The following JMY variants were observed in gnomAD, a reference collection of about 807,000 sequenced individuals.
JMY encodes junction mediating and regulatory protein, p53 cofactor.
JMY carries 46 observed loss-of-function variants against 103.3 expected under a neutral mutation model. That is an observed-to-expected ratio of 0.45 (90% CI 0.35 to 0.57). JMY has a LOEUF of 0.57. Among genes scored for constraint, JMY ranks in the 20% least tolerant of loss-of-function variants. JMY has a pLI of 0.00. For missense variants in JMY, 1,238 were observed against 1,255.2 expected, an observed-to-expected ratio of 0.99 and a Z score of 0.21; for synonymous variants, 526 against 489.3, an observed-to-expected ratio of 1.07 and a Z score of -0.99.
intron 2 of JMY, among the ~76,000 whole-genome samples, chr5:79,287,259 A>G (rs866367805): frequency 3.3e-5 from 5 of 152,238 alleles, no homozygotes; most frequent in African/African-American, 7.2e-5. Context: ...AGATAGAAGC[A>G]TATCTCCTCC....
At chr5:79,243,538 G>T (rs1744801531) in intron 1 of JMY, among the ~76,000 whole-genome samples, 1 of 152,204 alleles carries the variant, frequency 6.6e-6, no homozygotes. Context: ...GATATTACAT[G>T]TTGAGGACAT....
At position 79,236,621 on chromosome 5, in the gene JMY, C is replaced by A. The variant is rs1225298610; in HGVS notation, c.-30C>A. On this transcript the variant is annotated 5_prime_UTR_variant, in exon 1 of 11. Coordinates refer to ENST00000396137, the MANE Select transcript of JMY (RefSeq NM_152405.5). ...TCCTCGGGCGGGCCGGGCCGGCGGC[C>A]CTTCCCCGCGGCGAGAAGCCGGAGC... 1.5e-6 allele frequency: 2 copies of A among 1,360,416 alleles called. No homozygotes were observed. Among genetic ancestry groups the A allele is most frequent in the South Asian group, 1.9e-5 (1 of 51,852 alleles). 84.3% of individuals were successfully genotyped at this position (1,360,416 alleles called of 1,614,324 possible).
chr5:79,321,339 C>CAAAT lies in JMY; in HGVS notation c.*4-265_*4-262dup, dbSNP rs570944713. Among the ~76,000 whole-genome samples the CAAAT allele has an allele frequency of 4.6e-3, 700 of 152,138 alleles. 6 individuals are homozygous for CAAAT. The highest frequency in any genetic ancestry group is 0.016 in the African/African-American group (674 of 41,514). On this transcript the variant is annotated intron_variant, in intron 10 of 10. Coordinates refer to ENST00000396137, the MANE Select transcript of JMY (RefSeq NM_152405.5). ...CTTACTCTAGTAGCAGTTTATGGGGCAAATAGTTTAGACTGAATTTACCTT... is the reference window on the plus strand; with the variant it reads ...CTTACTCTAGTAGCAGTTTATGGGGCAAATAAATAGTTTAGACTGAATTTACCTT...
chr5:79,279,833 G>C (rs1192110934), intron 2 of JMY, among the ~76,000 whole-genome samples: 1 of 151,934 alleles, frequency 6.6e-6, no homozygotes, highest in Non-Finnish European at 1.5e-5. Flanking sequence ...GGAAATTCCT[G>C]GTTTTTTTTG....
intron 7 of JMY, among the ~76,000 whole-genome samples, chr5:79,310,280 C>T (rs1017985210): frequency 6.6e-6 from 1 of 151,898 alleles, no homozygotes; most frequent in African/African-American, 2.4e-5. Context: ...AGGGTGGTCT[C>T]AAACTGCTGC....
intron 1 of JMY, 112 bp from the exon 2 acceptor site, chr5:79,277,798 G>T: frequency 1.2e-6 from 1 of 812,052 alleles, no homozygotes; most frequent in Non-Finnish European, 1.9e-6. Flanking sequence ...ATTCCCTCTT[G>T]CTTCTGTGTT....
chr5:79,287,350 T>C (rs567212286), intron 2 of JMY, among the ~76,000 whole-genome samples: 13 of 152,230 alleles, frequency 8.5e-5, no homozygotes, highest in Non-Finnish European at 1.6e-4. Context: ...AAGGATGAAC[T>C]TGGAGATGAA....
chr5:79,253,211 TTTG>T, intron 1 of JMY, among the ~76,000 whole-genome samples: 1 of 152,290 alleles, frequency 6.6e-6, no homozygotes, highest in African/African-American at 2.4e-5. Flanking sequence ...TTTTTAACTT[TTTG>T]TTGTTTCTTT....
chr5:79,278,120 T>C (rs770146925), intron 2 of JMY, 37 bp downstream of exon 2: 25 of 1,536,396 alleles, frequency 1.6e-5, no homozygotes, highest in Non-Finnish European at 2.1e-5. Flanking sequence ...AGCCTGCCTG[T>C]TTCATAGTTC....
intron 1 of JMY, among the ~76,000 whole-genome samples, chr5:79,260,615 C>A (rs1745393413): frequency 6.6e-6 from 1 of 151,384 alleles, no homozygotes. Flanking sequence ...GGTCTCAAAC[C>A]CTTGAGCTCA....
At chr5:79,305,854 A>G (rs1001065343) in intron 6 of JMY, among the ~76,000 whole-genome samples, 6 of 152,268 alleles carry the variant, frequency 3.9e-5, no homozygotes, top group African/African-American at 1.4e-4. Flanking sequence ...TACATATTTT[A>G]TATAAGTAAA....
Position 79,314,411 on chromosome 5 carries a change from GAA to G in JMY, c.2220_2221del (p.Arg741SerfsTer18). ...GAGAAAACTGAAGAGGTGGGAGAAGGAAGAGTCAAGCGTGGGCCATCACAGAC... is the reference window on the plus strand; with the variant it reads ...GAGAAAACTGAAGAGGTGGGAGAAGGGAGTCAAGCGTGGGCCATCACAGAC... On this transcript the variant is annotated frameshift_variant, in exon 9 of 11. Transcript: ENST00000396137. LOFTEE classifies it high-confidence loss of function. 1 of 1,614,146 alleles carries G rather than the reference GAA, an allele frequency of 6.2e-7. No individual in the cohort carries two copies. Among genetic ancestry groups the G allele is most frequent in the Non-Finnish European group, 8.5e-7 (1 of 1,180,020 alleles).
intron 1 of JMY, among the ~76,000 whole-genome samples, chr5:79,262,334 T>C (rs548528861): frequency 2.4e-4 from 36 of 152,236 alleles, no homozygotes; most frequent in Non-Finnish European, 4.4e-4. Context: ...GCATTATTTA[T>C]AGTACCTTAC....
chr5:79,236,590 G>C lies in JMY; in HGVS notation c.-61G>C. ...GAGCGGGGGGCGCGGCGCAGCCAGC[G>C]GGGAGTCCTCGGGCGGGCCGGGCCG... On this transcript the variant is annotated 5_prime_UTR_variant, in exon 1 of 11. Transcript: ENST00000396137. 4 of 1,259,554 alleles carry C rather than the reference G, an allele frequency of 3.2e-6. No homozygotes were observed. Among genetic ancestry groups the C allele is most frequent in the Non-Finnish European group, 4.1e-6 (4 of 981,532 alleles). The allele number at this position is 1,259,554 out of a possible 1,614,324, so 78.0% of individuals were successfully genotyped here. A position where few individuals can be genotyped will look rare whatever the true frequency, so the allele number is the denominator to read the frequency against.
intron 2 of JMY, among the ~76,000 whole-genome samples, chr5:79,278,677 C>T (rs190070030): frequency 5.8e-4 from 85 of 146,252 alleles, no homozygotes; most frequent in Admixed American, 2.1e-3. Flanking sequence ...CTGAGGTAGG[C>T]GGAAGATTGC....
intron 7 of JMY, among the ~76,000 whole-genome samples, chr5:79,308,313 G>T (rs376822000): frequency 1.3e-5 from 2 of 152,234 alleles, no homozygotes; most frequent in African/African-American, 4.8e-5. Context: ...AGCTAGATTT[G>T]CTCCTATGTT....
chr5:79,265,424 CAG>C (rs1283068217), intron 1 of JMY, among the ~76,000 whole-genome samples: 1 of 152,172 alleles, frequency 6.6e-6, no homozygotes, highest in African/African-American at 2.4e-5. Flanking sequence ...AACTACAATT[CAG>C]AGTCCCATTC....
At chr5:79,264,397 A>ATT (rs547362196) in intron 1 of JMY, among the ~76,000 whole-genome samples, 11 of 143,236 alleles carry the variant, frequency 7.7e-5, no homozygotes, top group East Asian at 4.1e-4. Context: ...ATAATTTTTA[A>ATT]TTTTTTTTTT....
intron 7 of JMY, among the ~76,000 whole-genome samples, chr5:79,310,356 T>C (rs1342226295): frequency 6.6e-6 from 1 of 152,132 alleles, no homozygotes; most frequent in Non-Finnish European, 1.5e-5. Context: ...CCACCACTCC[T>C]GGCCAAGAAA....
Sources: allele counts gnomAD v4.1 joint callset (sites outside exome capture counted in the v4.1 genomes callset), GRCh38; gene constraint gnomAD v4.1.1; transcripts MANE v1.5; gene names NCBI Gene and HGNC (gene_info 2026-07-23, HGNC 2026-07-21).